MICU3: variants seen among roughly 807,000 people sequenced by gnomAD.
The protein encoded by MICU3 is calcium uptake protein 3, mitochondrial.
MICU3 carries 62 observed loss-of-function variants against 66.5 expected under a neutral mutation model. The observed-to-expected ratio is 0.93, with a 90% CI of 0.76 to 1.15. The LOEUF (loss-of-function observed/expected upper bound fraction) is 1.15. Ranked by LOEUF, MICU3 falls within the 50% of genes most tolerant of loss-of-function variation. The pLI is 0.00. For missense variants in MICU3, 779 were observed against 664.4 expected, an observed-to-expected ratio of 1.17 and a Z score of -1.90; for synonymous variants, 308 against 240.7, an observed-to-expected ratio of 1.28 and a Z score of -2.59.
intron 11 of MICU3, among the ~76,000 whole-genome samples, chr8:17,108,078 T>C (rs1698809009): frequency 6.6e-6 from 1 of 152,098 alleles, no homozygotes; most frequent in Non-Finnish European, 1.5e-5. Flanking sequence ...GATATTTCAT[T>C]ATAAGAGAAA....
chr8:17,117,607 CTTTT>C (rs1244315510), intron 13 of MICU3, among the ~76,000 whole-genome samples: 1 of 129,434 alleles, frequency 7.7e-6, no homozygotes, highest in Non-Finnish European at 1.6e-5. Context: ...AAGTTTTATC[CTTTT>C]TTTTTTTTTT....
intron 7 of MICU3, among the ~76,000 whole-genome samples, chr8:17,087,865 T>C (rs138528607): frequency 2.7e-4 from 41 of 152,184 alleles, no homozygotes; most frequent in African/African-American, 8.2e-4. Flanking sequence ...GATACTTAGA[T>C]AACCAGAAAT....
chr8:17,132,113 A>G, the MICU3 span: 1 of 152,222 alleles, frequency 6.6e-6, no homozygotes, highest in Admixed American at 6.5e-5. Context: ...GTTCCACTGG[A>G]TAGTCTGTTG....
At chr8:17,137,756 C>T in the MICU3 span, among the ~76,000 whole-genome samples, 68 of 131,702 alleles carry the variant, frequency 5.2e-4, no homozygotes, top group African/African-American at 1.8e-3. Context: ...CTCACTCTGT[C>T]GCCAGGCTGG....
intron 12 of MICU3, among the ~76,000 whole-genome samples, chr8:17,115,629 T>G (rs1294099101): frequency 6.6e-6 from 1 of 152,334 alleles, no homozygotes. Flanking sequence ...AAAGTGACAA[T>G]CCTGCTACTA....
At chr8:17,051,397 G>A (rs1008153292) in intron 1 of MICU3, among the ~76,000 whole-genome samples, 11 of 152,108 alleles carry the variant, frequency 7.2e-5, no homozygotes, top group Admixed American at 1.3e-4. Flanking sequence ...CAATTCCTGC[G>A]TTCATGGAAT....
rs373498781 is a variant in MICU3 at position 17,097,903 on chromosome 8, C to T, written c.889-555C>T. The stretch of plus-strand genomic sequence containing the variant: ...GTACCGTAACCATTCACAATAGAAA[C>T]ACCTGCCAAATCTCAAGTAGTTTTG... On this transcript the variant is annotated intron_variant, in intron 8 of 14. Coordinates refer to ENST00000318063, the MANE Select transcript of MICU3 (RefSeq NM_181723.3). Among the ~76,000 whole-genome samples the T allele has an allele frequency of 8.6e-5, 13 of 151,804 alleles. No homozygotes were observed. The East Asian group carries it at 1.7e-3, about 20-fold the overall frequency.
rs1040988999 is a variant in MICU3 at position 17,080,110 on chromosome 8, G to A, written c.647-1583G>A. Among the ~76,000 whole-genome samples, 9 of 151,570 alleles carry A rather than the reference G, an allele frequency of 5.9e-5. No individual in the cohort carries two copies. The East Asian group carries it at 1.2e-3, about 20-fold the overall frequency. On this transcript the variant is annotated intron_variant, in intron 4 of 14. Coordinates refer to ENST00000318063, the MANE Select transcript of MICU3 (RefSeq NM_181723.3). Reference sequence around the variant, plus strand: ...TTTTTTGTATTTTTTGATCCTGCACGCCATAAATAAATTGAAGAGTTAGTT... The same window carrying A: ...TTTTTTGTATTTTTTGATCCTGCACACCATAAATAAATTGAAGAGTTAGTT...
chr8:17,126,997 A>G (rs927604202), downstream of MICU3, among the ~76,000 whole-genome samples: 3 of 152,334 alleles, frequency 2.0e-5, no homozygotes, highest in African/African-American at 4.8e-5. Flanking sequence ...GGCATTTCCT[A>G]TATGTGTATT....
intron 8 of MICU3, among the ~76,000 whole-genome samples, chr8:17,096,661 C>G (rs76631908): frequency 6.6e-6 from 1 of 151,788 alleles, no homozygotes; most frequent in African/African-American, 2.4e-5. Flanking sequence ...GTAGTATATC[C>G]TAGCATTGTT....
intron 4 of MICU3, among the ~76,000 whole-genome samples, chr8:17,079,780 C>A (rs940094966): frequency 3.3e-5 from 5 of 152,006 alleles, no homozygotes; most frequent in Non-Finnish European, 7.4e-5. Context: ...TAGGTGTGAG[C>A]CACCATGCCT....
the MICU3 span, among the ~76,000 whole-genome samples, chr8:17,128,229 TACACACACACACAC>T: frequency 1.8e-4 from 26 of 144,458 alleles, no homozygotes; most frequent in Non-Finnish European, 3.0e-4. Context: ...GAGATCAGTG[TACACACACACACAC>T]ACACACACAC....
intron 4 of MICU3, 79 bp downstream of exon 4, chr8:17,077,940 A>G: frequency 1.2e-6 from 1 of 858,916 alleles, no homozygotes; most frequent in Non-Finnish European, 1.7e-6. Flanking sequence ...TCCCATACCT[A>G]AAATAATTTT....
intron 11 of MICU3, among the ~76,000 whole-genome samples, chr8:17,108,090 A>C (rs529830614): frequency 6.6e-6 from 1 of 152,282 alleles, no homozygotes; most frequent in Admixed American, 6.5e-5. Flanking sequence ...TAAGAGAAAA[A>C]GGAATCAGGA....
At chr8:17,103,576 AGAAGGAAG>A (rs35799459) in intron 9 of MICU3, among the ~76,000 whole-genome samples, 7 of 150,732 alleles carry the variant, frequency 4.6e-5, no homozygotes, top group Admixed American at 4.0e-4. Flanking sequence ...GGCCAACTGG[AGAAGGAAG>A]GAAGGAAGGA....
At chr8:17,070,245 T>C (rs1344966191) in intron 3 of MICU3, among the ~76,000 whole-genome samples, 1 of 152,088 alleles carries the variant, frequency 6.6e-6, no homozygotes, top group Non-Finnish European at 1.5e-5. Context: ...AATATATCAA[T>C]ACTATACCAT....
At chr8:17,108,029 G>A (rs763339854) in intron 11 of MICU3, among the ~76,000 whole-genome samples, 4 of 152,006 alleles carry the variant, frequency 2.6e-5, no homozygotes, top group Non-Finnish European at 5.9e-5. Flanking sequence ...GATATTGATT[G>A]GATCATTTAA....
the MICU3 span, among the ~76,000 whole-genome samples, chr8:17,138,585 C>A: frequency 6.6e-6 from 1 of 152,122 alleles, no homozygotes; most frequent in South Asian, 2.1e-4. Context: ...GTAATATACG[C>A]ACCATCGTCT....
At chr8:17,072,459 T>C (rs1338365761) in intron 3 of MICU3, among the ~76,000 whole-genome samples, 1 of 152,012 alleles carries the variant, frequency 6.6e-6, no homozygotes, top group Non-Finnish European at 1.5e-5. Context: ...GAGAGGTTTT[T>C]TTTTTTTTAG....
Sources: gnomAD v4.1 joint callset for allele counts (sites outside exome capture counted in the v4.1 genomes callset) on GRCh38, gnomAD v4.1.1 for gene constraint, MANE v1.5 for transcripts, NCBI Gene and HGNC (gene_info 2026-07-23, HGNC 2026-07-21) for gene names.